The following WDFY3 variants were observed in gnomAD, a reference collection of about 807,000 sequenced individuals.
WDFY3 encodes the protein WD repeat and FYVE domain containing 3, also known as WD repeat and FYVE domain-containing protein 3.
In WDFY3, 66 loss-of-function variants were observed where a neutral mutation model predicts 409.6. That is an observed-to-expected ratio of 0.16 (90% confidence interval 0.13 to 0.20). The LOEUF (loss-of-function observed/expected upper bound fraction) is 0.20, where lower values mean the gene tolerates loss of function less well. WDFY3 is among the 10% of genes least tolerant of loss of function. The probability of loss-of-function intolerance (pLI) is 1.00; values close to 1 mark genes in which losing one functional copy is unlikely to be tolerated. For missense variants in WDFY3, 3,031 were observed against 4,298.1 expected (o/e 0.71, Z 8.24); for synonymous variants, 1,521 against 1,537.1 (o/e 0.99, Z 0.25).
chr4:84,838,834 C>T (rs1756945254), intron 6 of WDFY3, among the ~76,000 whole-genome samples: 1 of 152,198 alleles, frequency 6.6e-6, no homozygotes, highest in African/African-American at 2.4e-5. Context: ...AAATGTTTAA[C>T]TCTCACATTT....
At chr4:84,849,834 A>G in intron 5 of WDFY3, 68 bp downstream of exon 5, 3 of 1,582,334 alleles carry the variant, frequency 1.9e-6, no homozygotes, top group Non-Finnish European at 2.6e-6. Flanking sequence ...ATTTAATTTT[A>G]ATGGGACTTT....
At chr4:84,752,161 AC>A (rs934536164) in intron 35 of WDFY3, among the ~76,000 whole-genome samples, 7 of 152,042 alleles carry the variant, frequency 4.6e-5, no homozygotes, top group Admixed American at 3.9e-4. Context: ...TAAAAAAAAA[AC>A]AACAATATTG....
At chr4:84,796,817 G>A in intron 18 of WDFY3, 65 bp from the exon 19 acceptor site, 2 of 1,355,468 alleles carry the variant, frequency 1.5e-6, no homozygotes, top group Non-Finnish European at 2.1e-6. Flanking sequence ...TTACAAGGCT[G>A]ATTTATTTGT....
In WDFY3 at chr4:84,785,961, A is replaced by G. The variant is rs1282925642; in HGVS notation, c.4062+18T>C. On this transcript the variant is annotated intron_variant, in intron 24 of 67. Coordinates refer to ENST00000295888, the MANE Select transcript of WDFY3 (RefSeq NM_014991.6). ...AGTGAGAATCAGCCATAGTACACCAAGAAATCATTCTGCTTACCTGCTTAG... is the reference window on the plus strand; with the variant it reads ...AGTGAGAATCAGCCATAGTACACCAGGAAATCATTCTGCTTACCTGCTTAG... The G allele has an allele frequency of 1.2e-6, 2 of 1,613,230 alleles. No individual in the cohort carries two copies. Among genetic ancestry groups the G allele is most frequent in the Non-Finnish European group, 1.7e-6 (2 of 1,179,624 alleles).
intron 2 of WDFY3, among the ~76,000 whole-genome samples, chr4:84,928,164 C>T (rs1770257242): frequency 6.6e-6 from 1 of 152,186 alleles, no homozygotes; most frequent in Non-Finnish European, 1.5e-5. Context: ...TTTCTGAAGC[C>T]AGGATGCCCT....
chr4:84,875,480 A>G (rs527924822), intron 3 of WDFY3, among the ~76,000 whole-genome samples: 1 of 152,318 alleles, frequency 6.6e-6, no homozygotes, highest in East Asian at 1.9e-4. Context: ...TAAACACTGT[A>G]CACTGAGGTT....
At chr4:84,896,021 G>T (rs1369342678) in intron 3 of WDFY3, among the ~76,000 whole-genome samples, 1 of 152,106 alleles carries the variant, frequency 6.6e-6, no homozygotes, top group African/African-American at 2.4e-5. Flanking sequence ...ACTTTGGGAG[G>T]CCGAGGGGGA....
intron 1 of WDFY3, among the ~76,000 whole-genome samples, chr4:84,941,100 C>T (rs1201269112): frequency 1.3e-5 from 2 of 151,786 alleles, no homozygotes; most frequent in Non-Finnish European, 2.9e-5. Context: ...CTCTTTTTAA[C>T]ATATACTAGA....
chr4:84,876,824 A>C (rs1762849550), intron 3 of WDFY3, among the ~76,000 whole-genome samples: 1 of 152,200 alleles, frequency 6.6e-6, no homozygotes, highest in African/African-American at 2.4e-5. Context: ...AAAATGTTTA[A>C]GCTTACAATT....
Position 84,860,477 on chromosome 4 carries a change from G to T in WDFY3, c.115C>A (p.Pro39Thr). ...RRLFTELCHP[P>T]RHMTQKEQEE... Reference sequence around the variant, plus strand: ...TGTTCCTTCTGAGTCATGTGCCGGGGAGGATGGCACAACTCCGTGAAGAGC... The same window carrying T: ...TGTTCCTTCTGAGTCATGTGCCGGGTAGGATGGCACAACTCCGTGAAGAGC... The change falls in exon 4 of 68, where the codon CCC (proline) becomes ACC (threonine). Residue 39 changes from proline to threonine, a missense_variant. Around this residue, in one of 16 missense-constraint regions of WDFY3, gnomAD observed 1,322 missense variants for 1,697.9 expected, o/e 0.78. Coordinates refer to ENST00000295888, the MANE Select transcript of WDFY3 (RefSeq NM_014991.6). 1.2e-6 allele frequency: 2 copies of T among 1,614,156 alleles called. No homozygotes were observed. Among genetic ancestry groups the T allele is most frequent in the South Asian group, 2.2e-5 (2 of 91,084 alleles).
intron 53 of WDFY3, among the ~76,000 whole-genome samples, chr4:84,708,541 T>C (rs1315254608): frequency 6.6e-6 from 1 of 152,144 alleles, no homozygotes; most frequent in East Asian, 1.9e-4. Flanking sequence ...TAGTTTTTTT[T>C]TTTTTTCTTT....
chr4:84,803,020 A>G (rs977030055), intron 16 of WDFY3, among the ~76,000 whole-genome samples: 15 of 152,214 alleles, frequency 9.9e-5, no homozygotes, highest in African/African-American at 3.6e-4. Flanking sequence ...ACTGCTGAGC[A>G]GGATTTATAA....
At chr4:84,894,354 T>C (rs1765331337) in intron 3 of WDFY3, among the ~76,000 whole-genome samples, 1 of 152,136 alleles carries the variant, frequency 6.6e-6, no homozygotes, top group South Asian at 2.1e-4. Context: ...CATCTAAGAG[T>C]ACTTTTTAAA....
Position 84,764,261 on chromosome 4 carries a change from G to A in WDFY3, c.5188+1549C>T, listed in dbSNP as rs540671541. 1.2e-4 allele frequency among the ~76,000 whole-genome samples: 19 copies of A among 152,110 alleles called. No individual in the cohort carries two copies. In the East Asian group the frequency reaches 2.9e-3, roughly 23 times the overall value. On this transcript the variant is annotated intron_variant, in intron 32 of 67. Coordinates refer to ENST00000295888, the MANE Select transcript of WDFY3 (RefSeq NM_014991.6). Reference sequence around the variant, plus strand: ...GAACTCACATTCAGTTGTGCCTTTCGTTATTTATTCTCCAGTAGGTATTAT... The same window carrying A: ...GAACTCACATTCAGTTGTGCCTTTCATTATTTATTCTCCAGTAGGTATTAT...
intron 3 of WDFY3, among the ~76,000 whole-genome samples, chr4:84,880,102 C>T (rs1763285464): frequency 6.6e-6 from 1 of 151,996 alleles, no homozygotes; most frequent in African/African-American, 2.4e-5. Context: ...GAAATAATCA[C>T]AAAGAAGGAG....
chr4:84,928,649 C>T lies in WDFY3; in HGVS notation c.-132+3621G>A, dbSNP rs567326991. ...TGGCCAGTTTGGTGTATTAAATATC[C>T]TCACATATGGCAGCTAATTCCTAAT... On this transcript the variant is annotated intron_variant, in intron 2 of 67. Coordinates refer to ENST00000295888, the MANE Select transcript of WDFY3 (RefSeq NM_014991.6). 3.9e-5 allele frequency among the ~76,000 whole-genome samples: 6 copies of T among 152,186 alleles called. No individual in the cohort carries two copies. In the South Asian group the frequency reaches 1.2e-3, roughly 32 times the overall value.
intron 49 of WDFY3, 129 bp from the exon 50 acceptor site, chr4:84,715,512 T>G: frequency 1.9e-6 from 1 of 530,098 alleles, no homozygotes; most frequent in Non-Finnish European, 3.3e-6. Context: ...CGGTGGCTCA[T>G]GCCTGTAATC....
intron 3 of WDFY3, among the ~76,000 whole-genome samples, chr4:84,874,461 T>C (rs1235047717): frequency 6.6e-6 from 1 of 151,972 alleles, no homozygotes; most frequent in Non-Finnish European, 1.5e-5. Context: ...ACTTTTCTGA[T>C]TTAAAACCTG....
chr4:84,937,618 C>T (rs2151005370), intron 1 of WDFY3, among the ~76,000 whole-genome samples: 1 of 152,272 alleles, frequency 6.6e-6, no homozygotes, highest in Middle Eastern at 3.4e-3. Context: ...CAGAGTGATC[C>T]AGACAACCTA....
Sources: allele counts gnomAD v4.1 joint callset (sites outside exome capture counted in the v4.1 genomes callset), GRCh38; gene constraint gnomAD v4.1.1; regional missense constraint gnomAD v4.1.1; transcripts MANE v1.5; gene names NCBI Gene and HGNC (gene_info 2026-07-23, HGNC 2026-07-21).